The following EPHA6 variants were observed in gnomAD, a reference collection of about 807,000 sequenced individuals.
EPHA6 encodes the protein EPH receptor A6.
EPHA6 carries 50 observed loss-of-function variants against 112.0 expected under a neutral mutation model. The ratio of observed to expected loss-of-function variants is 0.45; its 90% CI spans 0.36 to 0.56. EPHA6 has a LOEUF of 0.56. Ranked by LOEUF, EPHA6 falls within the 20% of genes least tolerant of loss-of-function variation. EPHA6 has a pLI of 0.00. For synonymous variants in EPHA6, 529 were observed against 490.7 expected (o/e 1.08, Z -1.03); for missense variants, 1,280 against 1,417.4 (o/e 0.90, Z 1.56).
chr3:97,414,502 A>G (rs903652260), intron 6 of EPHA6, among the ~76,000 whole-genome samples: 1 of 152,110 alleles, frequency 6.6e-6, no homozygotes, highest in African/African-American at 2.4e-5. Context: ...TTAAACTATT[A>G]CAACGAAACT....
intron 2 of EPHA6, among the ~76,000 whole-genome samples, chr3:96,969,254 A>C: frequency 6.6e-6 from 1 of 152,072 alleles, no homozygotes; most frequent in Non-Finnish European, 1.5e-5. Context: ...ATGCTATACA[A>C]AATTAAATAA....
Position 97,515,961 on chromosome 3 carries a change from C to T in EPHA6, c.2201-16397C>T, listed in dbSNP as rs113791643. On this transcript the variant is annotated intron_variant, in intron 10 of 17. Coordinates refer to ENST00000389672, the MANE Select transcript of EPHA6 (RefSeq NM_001080448.3). ...GAAAGTTAAAAAAAAAAAAACACCT[C>T]ATTCTCAGGTCTTAAAGAAATCCTG... is the stretch of plus-strand genomic sequence containing the variant. 4.4e-3 allele frequency among the ~76,000 whole-genome samples: 674 copies of T among 151,542 alleles called. 5 individuals carry two copies. The highest frequency in any genetic ancestry group is 0.015 in the African/African-American group (607 of 41,322).
intron 11 of EPHA6, among the ~76,000 whole-genome samples, chr3:97,560,215 T>C (rs2093169809): frequency 6.6e-6 from 1 of 151,716 alleles, no homozygotes; most frequent in African/African-American, 2.4e-5. Flanking sequence ...AAGTGATATA[T>C]AAGCACAAAG....
intron 14 of EPHA6, among the ~76,000 whole-genome samples, chr3:97,663,307 T>A (rs1012138690): frequency 1.3e-5 from 2 of 152,034 alleles, no homozygotes; most frequent in Non-Finnish European, 2.9e-5. Flanking sequence ...TTTTATTTTT[T>A]GTGGAGCCTT....
intron 14 of EPHA6, among the ~76,000 whole-genome samples, chr3:97,639,701 G>C (rs541025995): frequency 1.3e-5 from 2 of 152,202 alleles, no homozygotes; most frequent in East Asian, 1.9e-4. Flanking sequence ...TTATGCATAC[G>C]TAAGTTTTGT....
Position 97,416,059 on chromosome 3 carries a change from T to C in EPHA6, c.1731+10785T>C, listed in dbSNP as rs144207904. On this transcript the variant is annotated intron_variant, in intron 6 of 17. Coordinates refer to ENST00000389672, the MANE Select transcript of EPHA6 (RefSeq NM_001080448.3). ...AGCCCAAGTATTATAATCTGTGGCA[T>C]ATAAAAATCTAAAACACCTACTTGT... Among the ~76,000 whole-genome samples the C allele has an allele frequency of 5.3e-4, 80 of 152,180 alleles. No individual in the cohort carries two copies. The East Asian group carries it at 0.013, about 25-fold the overall frequency.
At chr3:97,029,122 C>G (rs1480402759) in intron 3 of EPHA6, among the ~76,000 whole-genome samples, 1 of 151,550 alleles carries the variant, frequency 6.6e-6, no homozygotes, top group African/African-American at 2.4e-5. Flanking sequence ...ATGGAATAGC[C>G]TACTCCACAT....
intron 10 of EPHA6, among the ~76,000 whole-genome samples, chr3:97,511,531 A>G (rs762003504): frequency 3.3e-5 from 5 of 152,122 alleles, no homozygotes; most frequent in South Asian, 4.2e-4. Context: ...ACCAGTCCCA[A>G]TTAGATGAGT....
chr3:97,191,373 A>G (rs1179437741), intron 3 of EPHA6, among the ~76,000 whole-genome samples: 1 of 151,962 alleles, frequency 6.6e-6, no homozygotes, highest in African/African-American at 2.4e-5. Flanking sequence ...ATTATTATTG[A>G]CCATAATGAC....
At chr3:97,593,115 A>T (rs1459900895) in intron 12 of EPHA6, among the ~76,000 whole-genome samples, 2 of 152,226 alleles carry the variant, frequency 1.3e-5, no homozygotes, top group Non-Finnish European at 2.9e-5. Flanking sequence ...CAGAAAGAGT[A>T]ATTTCATAGA....
intron 14 of EPHA6, among the ~76,000 whole-genome samples, chr3:97,715,408 T>C (rs979557551): frequency 5.9e-5 from 9 of 152,212 alleles, no homozygotes; most frequent in Admixed American, 1.3e-4. Flanking sequence ...TTAGTCAAAA[T>C]TGCTCTTAAG....
At chr3:97,567,704 A>G (rs2093285271) in intron 11 of EPHA6, among the ~76,000 whole-genome samples, 1 of 152,186 alleles carries the variant, frequency 6.6e-6, no homozygotes, top group Non-Finnish European at 1.5e-5. Context: ...TATCCACAAT[A>G]CAAGGAACAC....
At chr3:97,596,491 CAT>C (rs1425449580) in intron 12 of EPHA6, among the ~76,000 whole-genome samples, 1 of 151,884 alleles carries the variant, frequency 6.6e-6, no homozygotes, top group African/African-American at 2.4e-5. Context: ...GATGGAGTAA[CAT>C]ATAGAAATTT....
chr3:97,224,985 T>G (rs1436144142), intron 3 of EPHA6, among the ~76,000 whole-genome samples: 1 of 152,128 alleles, frequency 6.6e-6, no homozygotes, highest in Non-Finnish European at 1.5e-5. Context: ...AGACGGAGTC[T>G]CGCTCTGTCG....
intron 2 of EPHA6, among the ~76,000 whole-genome samples, chr3:96,968,693 A>G (rs1271805724): frequency 1.3e-5 from 2 of 151,814 alleles, no homozygotes; most frequent in Non-Finnish European, 1.5e-5. Context: ...CTTTACTGCT[A>G]TGCTAACAGC....
intron 2 of EPHA6, among the ~76,000 whole-genome samples, chr3:96,968,601 G>A (rs887087967): frequency 1.3e-5 from 2 of 151,730 alleles, no homozygotes; most frequent in Non-Finnish European, 3.0e-5. Context: ...TAAGTACATT[G>A]GATCCATATA....
At chr3:97,685,294 T>A (rs1056184767) in intron 14 of EPHA6, among the ~76,000 whole-genome samples, 1 of 152,192 alleles carries the variant, frequency 6.6e-6, no homozygotes, top group Non-Finnish European at 1.5e-5. Context: ...GAACCTAAGA[T>A]AAGAATAAGA....
intron 4 of EPHA6, among the ~76,000 whole-genome samples, chr3:97,234,067 G>A (rs2078611389): frequency 6.6e-6 from 1 of 152,146 alleles, no homozygotes; most frequent in Non-Finnish European, 1.5e-5. Flanking sequence ...CTTTGGGTTT[G>A]TAGAGATGGT....
chr3:97,034,601 T>A (rs923426282), intron 3 of EPHA6, among the ~76,000 whole-genome samples: 7 of 151,912 alleles, frequency 4.6e-5, no homozygotes, highest in African/African-American at 1.7e-4. Context: ...AAGAACTCAG[T>A]TGTGTCTGAA....
Sources: allele counts gnomAD v4.1 joint callset (sites outside exome capture counted in the v4.1 genomes callset), GRCh38; gene constraint gnomAD v4.1.1; transcripts MANE v1.5; gene names NCBI Gene and HGNC (gene_info 2026-07-23, HGNC 2026-07-21).